Variants in AKR1C8 observed in about 807,000 individuals in gnomAD.
AKR1C8 encodes the protein aldo-keto reductase family 1 member C-like protein 1.
At chr10:5,149,884 A>G in the AKR1C8 span, among the ~76,000 whole-genome samples, 3 of 151,944 alleles carry the variant, frequency 2.0e-5, no homozygotes, top group Non-Finnish European at 4.4e-5. Context: ...TATTTTTCAA[A>G]TTTTGTTTCA....
chr10:5,153,515 G>A, the AKR1C8 span, among the ~76,000 whole-genome samples: 7 of 152,160 alleles, frequency 4.6e-5, no homozygotes, highest in African/African-American at 1.4e-4. Context: ...GAATACCTAA[G>A]ACTGGGTAAC....
the AKR1C8 span, chr10:5,154,114 T>C: frequency 2.1e-6 from 1 of 466,000 alleles, no homozygotes; most frequent in Non-Finnish European, 4.5e-6. Context: ...GAGGAAATTG[T>C]GGTGGTAATG....
the AKR1C8 span, chr10:5,160,704 A>G: frequency 2.5e-6 from 1 of 406,664 alleles, no homozygotes; most frequent in Non-Finnish European, 5.0e-6. Context: ...GAAGCTCCAC[A>G]TCTGAGGTCA....
At chr10:5,120,782 T>C in the AKR1C8 span, among the ~76,000 whole-genome samples, 1 of 152,180 alleles carries the variant, frequency 6.6e-6, no homozygotes, top group Admixed American at 6.5e-5. Context: ...GGACTGAATC[T>C]CTATTCTCAT....
chr10:5,116,095 A>G, the AKR1C8 span, among the ~76,000 whole-genome samples: 1 of 152,036 alleles, frequency 6.6e-6, no homozygotes, highest in African/African-American at 2.4e-5. Context: ...GTAGTTTCCC[A>G]TTGACCTTAA....
the AKR1C8 span, among the ~76,000 whole-genome samples, chr10:5,177,273 A>C: frequency 6.6e-6 from 1 of 151,820 alleles, no homozygotes; most frequent in Non-Finnish European, 1.5e-5. Context: ...TATATGCTGG[A>C]TTACATTTAT....
chr10:5,129,287 G>T, the AKR1C8 span, among the ~76,000 whole-genome samples: 1 of 151,988 alleles, frequency 6.6e-6, no homozygotes, highest in East Asian at 1.9e-4. Context: ...GTGCTAAGAG[G>T]CAAGTTCATA....
the AKR1C8 span, among the ~76,000 whole-genome samples, chr10:5,129,359 T>G: frequency 4.6e-5 from 7 of 151,940 alleles, no homozygotes; most frequent in Non-Finnish European, 1.0e-4. Context: ...ATATCACACC[T>G]CTATGTACTA....
the AKR1C8 span, chr10:5,162,876 C>G: frequency 1.9e-6 from 1 of 534,208 alleles, no homozygotes; most frequent in Admixed American, 1.9e-5. Flanking sequence ...AATATTTCCT[C>G]TCTCTTGACG....
chr10:5,174,471 T>C, the AKR1C8 span, among the ~76,000 whole-genome samples: 5 of 152,144 alleles, frequency 3.3e-5, no homozygotes, highest in African/African-American at 9.6e-5. Flanking sequence ...ACAAGTCATA[T>C]ACTAAATTTA....
At chr10:5,116,048 A>C in the AKR1C8 span, among the ~76,000 whole-genome samples, 7 of 152,094 alleles carry the variant, frequency 4.6e-5, no homozygotes, top group Non-Finnish European at 1.0e-4. Context: ...TTTTTGAAGG[A>C]TCTGGGTCAC....
the AKR1C8 span, among the ~76,000 whole-genome samples, chr10:5,118,254 A>C: frequency 6.6e-6 from 1 of 152,194 alleles, no homozygotes; most frequent in African/African-American, 2.4e-5. Flanking sequence ...GGGACAGGGG[A>C]AACAGGACTC....
At chr10:5,123,717 T>C in the AKR1C8 span, 1 of 1,610,914 alleles carries the variant, frequency 6.2e-7, no homozygotes, top group Non-Finnish European at 8.5e-7. Flanking sequence ...TTACCATAGT[T>C]CATGTCGTTG....
the AKR1C8 span, among the ~76,000 whole-genome samples, chr10:5,151,665 T>TA: frequency 6.6e-6 from 1 of 151,412 alleles, no homozygotes; most frequent in South Asian, 2.1e-4. Flanking sequence ...CAAGTGATTC[T>TA]CCTACCTCAG....
the AKR1C8 span, among the ~76,000 whole-genome samples, chr10:5,135,592 G>C: frequency 6.6e-6 from 1 of 151,594 alleles, no homozygotes; most frequent in East Asian, 1.9e-4. Context: ...TCTATCATCT[G>C]TCTATCTCAT....
chr10:5,151,361 T>C, the AKR1C8 span, among the ~76,000 whole-genome samples: 1 of 152,186 alleles, frequency 6.6e-6, no homozygotes, highest in African/African-American at 2.4e-5. Context: ...GGGTTTGTTT[T>C]GGGAAAGGGC....
the AKR1C8 span, among the ~76,000 whole-genome samples, chr10:5,180,944 G>A: frequency 2.0e-5 from 3 of 152,212 alleles, no homozygotes; most frequent in African/African-American, 7.2e-5. Flanking sequence ...CTTCCCGAGT[G>A]AGGCAATGCC....
chr10:5,162,998 T>A, the AKR1C8 span: 2 of 534,394 alleles, frequency 3.7e-6, no homozygotes, highest in Non-Finnish European at 7.7e-6. Context: ...TTTGGTGGCC[T>A]CGGCAGCCTG....
chr10:5,125,047 T>C, the AKR1C8 span, among the ~76,000 whole-genome samples: 1 of 152,054 alleles, frequency 6.6e-6, no homozygotes, highest in Admixed American at 6.6e-5. Flanking sequence ...CAATTGGATT[T>C]TTTTTTGTTT....
Sources: allele counts gnomAD v4.1 joint callset (sites outside exome capture counted in the v4.1 genomes callset), GRCh38; gene constraint gnomAD v4.1.1; transcripts MANE v1.5; gene names NCBI Gene and HGNC (gene_info 2026-07-23, HGNC 2026-07-21).